The following PCED1B variants were observed in gnomAD, a reference collection of about 807,000 sequenced individuals.
The protein encoded by PCED1B is PC-esterase domain-containing protein 1B.
For missense variants in PCED1B, 573 were observed against 573.9 expected (o/e 1.00, Z 0.02); for synonymous variants, 251 against 246.1 (o/e 1.02, Z -0.19).
intron 3 of PCED1B, among the ~76,000 whole-genome samples, chr12:47,220,012 G>A (rs1188414628): frequency 6.8e-6 from 1 of 147,672 alleles, no homozygotes; most frequent in East Asian, 2.0e-4. Context: ...GGTTGAAGCT[G>A]CAGTGAGCCG....
At chr12:47,218,763 C>G (rs1943382900) in intron 3 of PCED1B, among the ~76,000 whole-genome samples, 1 of 151,534 alleles carries the variant, frequency 6.6e-6, no homozygotes, top group Non-Finnish European at 1.5e-5. Context: ...TCCTTGGCCT[C>G]CCAAAGTGTT....
intron 2 of PCED1B, among the ~76,000 whole-genome samples, chr12:47,123,862 A>C (rs552839451): frequency 2.0e-5 from 3 of 152,202 alleles, no homozygotes; most frequent in Non-Finnish European, 4.4e-5. Flanking sequence ...CATGTTATTA[A>C]GTATCCTCTG....
At chr12:47,167,665 T>TG (rs1166824845) in intron 2 of PCED1B, among the ~76,000 whole-genome samples, 1 of 152,202 alleles carries the variant, frequency 6.6e-6, no homozygotes, top group Non-Finnish European at 1.5e-5. Flanking sequence ...GGATTCTAGA[T>TG]GATATTGCTG....
Position 47,146,587 on chromosome 12 carries a change from G to T in PCED1B, c.-526+42392G>T, listed in dbSNP as rs879540256. 1.3e-3 allele frequency among the ~76,000 whole-genome samples: 197 copies of T among 152,170 alleles called. 2 individuals are homozygous for T. Among genetic ancestry groups the T allele is most frequent in the Non-Finnish European group, 2.4e-3 (164 of 68,034 alleles). On this transcript the variant is annotated intron_variant, in intron 2 of 3. Transcript: ENST00000546455. ...TACCACCCTGATCAGATTGAGGCAA[G>T]ACCCTATACCGGCAAAAAGATTACA...
At chr12:47,197,083 A>AC (rs1416768646) in intron 2 of PCED1B, among the ~76,000 whole-genome samples, 6 of 149,470 alleles carry the variant, frequency 4.0e-5, no homozygotes, top group African/African-American at 7.4e-5. Flanking sequence ...TACTAAAAAT[A>AC]TAAAAATTAG....
At chr12:47,138,769 C>A (rs1175595408) in intron 2 of PCED1B, among the ~76,000 whole-genome samples, 2 of 152,168 alleles carry the variant, frequency 1.3e-5, no homozygotes, top group African/African-American at 2.4e-5. Flanking sequence ...AGAAACCATG[C>A]CTCCTTTTCA....
At chr12:47,086,435 G>A (rs566199350) in intron 1 of PCED1B, among the ~76,000 whole-genome samples, 2 of 150,540 alleles carry the variant, frequency 1.3e-5, no homozygotes, top group African/African-American at 4.9e-5. Context: ...CAATCTCACT[G>A]GAAGGTTACA....
At chr12:47,131,636 A>G (rs1457670610) in intron 2 of PCED1B, among the ~76,000 whole-genome samples, 1 of 148,942 alleles carries the variant, frequency 6.7e-6, no homozygotes, top group African/African-American at 2.5e-5. Flanking sequence ...TTTATCCTGC[A>G]TCTTGATTGT....
At chr12:47,167,629 T>A (rs1026098955) in intron 2 of PCED1B, among the ~76,000 whole-genome samples, 5 of 152,180 alleles carry the variant, frequency 3.3e-5, no homozygotes, top group African/African-American at 1.2e-4. Flanking sequence ...GTGAGTGTCA[T>A]AAATAGCAGC....
intron 2 of PCED1B, among the ~76,000 whole-genome samples, chr12:47,107,380 A>G (rs1939001827): frequency 6.6e-6 from 1 of 152,166 alleles, no homozygotes; most frequent in South Asian, 2.1e-4. Flanking sequence ...CCATAGGAGG[A>G]GGAAGGCTTC....
intron 2 of PCED1B, among the ~76,000 whole-genome samples, chr12:47,166,585 T>C (rs1348273807): frequency 2.0e-5 from 3 of 152,188 alleles, no homozygotes; most frequent in Non-Finnish European, 4.4e-5. Context: ...GTAAGTGATT[T>C]ACAATCCAGT....
At chr12:47,105,916 G>T (rs554363600) in intron 2 of PCED1B, among the ~76,000 whole-genome samples, 32 of 152,344 alleles carry the variant, frequency 2.1e-4, no homozygotes, top group African/African-American at 7.7e-4. Context: ...TCTTGTGAGT[G>T]TTGGGAAATA....
At chr12:47,134,740 C>T (rs533884136) in intron 2 of PCED1B, among the ~76,000 whole-genome samples, 12 of 152,028 alleles carry the variant, frequency 7.9e-5, no homozygotes, top group African/African-American at 1.9e-4. Flanking sequence ...TGGTGGCGGG[C>T]GCCTGTAGTC....
At chr12:47,152,230 C>A (rs1323752131) in intron 2 of PCED1B, among the ~76,000 whole-genome samples, 1 of 152,074 alleles carries the variant, frequency 6.6e-6, no homozygotes, top group East Asian at 1.9e-4. Context: ...TTAGTTACAA[C>A]AGGGAAAAAA....
chr12:47,142,867 CAGA>C (rs1249987179), intron 2 of PCED1B, among the ~76,000 whole-genome samples: 1 of 103,572 alleles, frequency 9.7e-6, no homozygotes, highest in Non-Finnish European at 2.3e-5. Context: ...ATTATGGTAA[CAGA>C]AGAAGAGAGA....
chr12:47,213,712 T>G, intron 2 of PCED1B, among the ~76,000 whole-genome samples: 2 of 152,230 alleles, frequency 1.3e-5, no homozygotes, highest in East Asian at 3.8e-4. Context: ...TTGTCATTAC[T>G]GTTTAAGAAA....
At chr12:47,200,413 G>A (rs73295505) in intron 2 of PCED1B, among the ~76,000 whole-genome samples, 9,981 of 152,204 alleles carry the variant, frequency 0.066, 1,030 homozygotes, top group African/African-American at 0.22. Flanking sequence ...CCCTATTAGA[G>A]TGGTTAGAAA....
intron 2 of PCED1B, chr12:47,210,746 C>A (rs1165315366): frequency 6.6e-6 from 1 of 152,092 alleles, no homozygotes; most frequent in Non-Finnish European, 1.5e-5. Context: ...GCCTGGGTAA[C>A]TGAGCAACAC....
intron 1 of PCED1B, among the ~76,000 whole-genome samples, chr12:47,102,355 A>G (rs528949196): frequency 6.6e-6 from 1 of 152,332 alleles, no homozygotes; most frequent in Admixed American, 6.5e-5. Flanking sequence ...TTGCAGTTTC[A>G]CATCATGTCT....
Sources: gnomAD v4.1 joint callset for allele counts (sites outside exome capture counted in the v4.1 genomes callset) on GRCh38, gnomAD v4.1.1 for gene constraint, MANE v1.5 for transcripts, NCBI Gene and HGNC (gene_info 2026-07-23, HGNC 2026-07-21) for gene names.